The following SLA2 variants were observed in gnomAD, a reference collection of about 807,000 sequenced individuals.
SLA2 encodes the protein src-like-adapter 2.
Under a neutral mutation model 27.3 loss-of-function variants are expected in SLA2, and 22 were observed. The observed-to-expected ratio is 0.81, with a 90% confidence interval of 0.58 to 1.15. The LOEUF is 1.15. Ranked by LOEUF, SLA2 falls within the 50% of genes most tolerant of loss-of-function variation. The pLI, the probability that SLA2 is intolerant of heterozygous loss-of-function variation, is 0.00. For missense variants in SLA2, 304 were observed against 322.2 expected (o/e 0.94, Z 0.43); for synonymous variants, 131 against 137.8 (o/e 0.95, Z 0.34).
intron 2 of SLA2, among the ~76,000 whole-genome samples, chr20:36,636,621 A>ATATATATAT (rs1283539835): frequency 2.4e-5 from 3 of 125,742 alleles, no homozygotes; most frequent in Non-Finnish European, 4.8e-5. Context: ...GAAAAAAAAA[A>ATATATATAT]AAATATATAT....
intron 5 of SLA2, among the ~76,000 whole-genome samples, chr20:36,626,776 A>G (rs1276053446): frequency 2.0e-5 from 3 of 150,170 alleles, no homozygotes; most frequent in South Asian, 4.3e-4. Context: ...ACCGGGAGGC[A>G]GAGCTTGCAG....
chr20:36,633,718 GCTGGATCCTGTGGCCAC>G, intron 3 of SLA2, 89 bp from the exon 4 acceptor site: 1 of 1,104,568 alleles, frequency 9.1e-7, no homozygotes, highest in Non-Finnish European at 1.4e-6. Context: ...ACCCTCTCAG[GCTGGATCCTGTGGCCAC>G]CTGTCCTGCC....
chr20:36,644,765 A>G (rs1978286397), intron 1 of SLA2, among the ~76,000 whole-genome samples: 1 of 152,144 alleles, frequency 6.6e-6, no homozygotes, highest in Non-Finnish European at 1.5e-5. Context: ...ATTTTTGAAA[A>G]ACTTACTATG....
At chr20:36,632,792 G>A (rs1371375328) in intron 4 of SLA2, 94 bp from the exon 5 acceptor site, 2 of 942,156 alleles carry the variant, frequency 2.1e-6, no homozygotes, top group East Asian at 5.3e-5. Flanking sequence ...ACCCTCACAA[G>A]GCCCTCCCTC....
At chr20:36,639,507 T>C (rs2039485561) in intron 2 of SLA2, among the ~76,000 whole-genome samples, 1 of 152,042 alleles carries the variant, frequency 6.6e-6, no homozygotes, top group South Asian at 2.1e-4. Context: ...GGATTTGTGG[T>C]CTGTTTTGGG....
intron 1 of SLA2, 54 bp from the exon 2 acceptor site, chr20:36,641,432 A>T (rs1020784287): frequency 4.8e-6 from 5 of 1,047,868 alleles, no homozygotes; most frequent in Non-Finnish European, 7.3e-6. Flanking sequence ...CCAATCTCAG[A>T]TACCTCTCCC....
intron 5 of SLA2, among the ~76,000 whole-genome samples, chr20:36,629,009 C>T (rs2039366513): frequency 6.6e-6 from 1 of 151,930 alleles, no homozygotes; most frequent in Admixed American, 6.6e-5. Context: ...CCTGATCCAT[C>T]TCCTTTTGGA....
intron 5 of SLA2, among the ~76,000 whole-genome samples, chr20:36,616,144 AAC>A (rs2039207273): frequency 6.6e-6 from 1 of 152,136 alleles, no homozygotes; most frequent in African/African-American, 2.4e-5. Context: ...CTGAATGATT[AAC>A]ACAGTGAAGC....
At chr20:36,628,161 C>G (rs1368164320) in intron 5 of SLA2, among the ~76,000 whole-genome samples, 1 of 152,110 alleles carries the variant, frequency 6.6e-6, no homozygotes, top group African/African-American at 2.4e-5. Flanking sequence ...GCGGTAGGGC[C>G]TACAAGTCTA....
In SLA2 at chr20:36,612,798, C is replaced by T. The variant is rs912295521; in HGVS notation, c.*1068G>A. 1.8e-5 allele frequency: 3 copies of T among 170,226 alleles called. No individual in the cohort carries two copies. The highest frequency in any genetic ancestry group is 7.2e-5 in the African/African-American group (3 of 41,856). 10.5% of individuals were successfully genotyped at this position (170,226 alleles called of 1,614,324 possible). The stretch of plus-strand genomic sequence containing the variant: ...GAGGGCTTAGCACCTTCTGATGCCC[C>T]TGCCCAGCACTGAGGTGCCTGGCCT... On this transcript the variant is annotated 3_prime_UTR_variant, in exon 8 of 8. Transcript: ENST00000262866.
intron 5 of SLA2, among the ~76,000 whole-genome samples, chr20:36,623,375 A>G (rs1349934127): frequency 6.6e-6 from 1 of 152,216 alleles, no homozygotes; most frequent in South Asian, 2.1e-4. Context: ...GCTTCTACTC[A>G]GTGTTGTACT....
intron 2 of SLA2, among the ~76,000 whole-genome samples, chr20:36,637,193 ATTTTTTTTT>A (rs1175945445): frequency 8.0e-5 from 7 of 87,990 alleles, no homozygotes; most frequent in African/African-American, 1.6e-4. Context: ...GCGTGTGTGT[ATTTTTTTTT>A]TTTTTTTTTT....
At chr20:36,638,690 A>C (rs1410672815) in intron 2 of SLA2, among the ~76,000 whole-genome samples, 1 of 152,186 alleles carries the variant, frequency 6.6e-6, no homozygotes, top group Non-Finnish European at 1.5e-5. Flanking sequence ...TATAAGGCAC[A>C]TGTCCCTAGG....
In SLA2 at chr20:36,636,294, G is replaced by A. The variant is rs559117092; in HGVS notation, c.92-1705C>T. Among the ~76,000 whole-genome samples, 970 of 150,786 alleles carry A rather than the reference G, an allele frequency of 6.4e-3. 5 individuals are homozygous for A. Among genetic ancestry groups the A allele is most frequent in the South Asian group, 0.015 (72 of 4,814 alleles). Reference sequence around the variant, plus strand: ...AAATTAGCCGGGCGCGGTGGCGGGCGCCTGTAGTCCCAGCTACTCGGGAGG... The same window carrying A: ...AAATTAGCCGGGCGCGGTGGCGGGCACCTGTAGTCCCAGCTACTCGGGAGG... On this transcript the variant is annotated intron_variant, in intron 2 of 7. Transcript: ENST00000262866.
At chr20:36,636,793 C>T (rs987315426) in intron 2 of SLA2, among the ~76,000 whole-genome samples, 2 of 150,788 alleles carry the variant, frequency 1.3e-5, no homozygotes, top group Admixed American at 6.6e-5. Context: ...ACTAAAAATA[C>T]AAAAATTAGC....
chr20:36,613,825 G>C lies in SLA2; in HGVS notation c.*41C>G. On this transcript the variant is annotated 3_prime_UTR_variant, in exon 8 of 8. Transcript: ENST00000262866. ...CCCAGGAGGCTGAATTGGGGTTCTA[G>C]GTGTGCAGCCTTGGTTTCCCTTTTG... is the stretch of plus-strand genomic sequence containing the variant. 7.2e-7 allele frequency: 1 copy of C among 1,398,064 alleles called. No homozygotes were observed. 86.6% of individuals were successfully genotyped at this position (1,398,064 alleles called of 1,614,324 possible).
At chr20:36,635,717 C>T (rs1175306767) in intron 2 of SLA2, among the ~76,000 whole-genome samples, 1 of 152,046 alleles carries the variant, frequency 6.6e-6, no homozygotes, top group African/African-American at 2.4e-5. Context: ...ATGATGCACA[C>T]CTTGTGATGG....
In SLA2 at chr20:36,615,952, G is replaced by A. The variant is rs78865096; in HGVS notation, c.383-578C>T. ...TAGAATAAATTGTGGATTATAGAGT[G>A]TAGTGCTATACAGCAGTAAAAATTA... On this transcript the variant is annotated intron_variant, in intron 5 of 7. Transcript: ENST00000262866. Among the ~76,000 whole-genome samples, 1,360 of 152,334 alleles carry A rather than the reference G, an allele frequency of 8.9e-3. 21 individuals are homozygous for A. The highest frequency in any genetic ancestry group is 0.031 in the African/African-American group (1,300 of 41,578).
At chr20:36,619,759 T>C (rs574239670) in intron 5 of SLA2, among the ~76,000 whole-genome samples, 130 of 148,572 alleles carry the variant, frequency 8.7e-4, no homozygotes, top group Middle Eastern at 6.9e-3. Flanking sequence ...GCCTCCCAAA[T>C]AGCTGGGACT....
Sources: gnomAD v4.1 joint callset for allele counts (sites outside exome capture counted in the v4.1 genomes callset) on GRCh38, gnomAD v4.1.1 for gene constraint, MANE v1.5 for transcripts, NCBI Gene and HGNC (gene_info 2026-07-23, HGNC 2026-07-21) for gene names.